The following SELENON variants were observed in gnomAD, a reference collection of about 807,000 sequenced individuals.
SELENON encodes selenoprotein N.
Under a neutral mutation model 59.5 loss-of-function variants are expected in SELENON, and 44 were observed. The ratio of observed to expected loss-of-function variants is 0.74; its 90% CI spans 0.58 to 0.95. SELENON has a LOEUF of 0.95. Among genes scored for constraint, SELENON ranks in the 40% least tolerant of loss-of-function variants. The pLI is 0.00. For synonymous variants in SELENON, 320 were observed against 305.6 expected, an observed-to-expected ratio of 1.05 and a Z score of -0.49; for missense variants, 674 against 721.4, an observed-to-expected ratio of 0.93 and a Z score of 0.75.
At chr1:25,802,268 G>T (rs573288934) in intron 3 of SELENON, among the ~76,000 whole-genome samples, 1 of 152,318 alleles carries the variant, frequency 6.6e-6, no homozygotes, top group South Asian at 2.1e-4. Context: ...GGAATTACAG[G>T]TGTGAACCAC....
chr1:25,812,567 ACACAC>A (rs2047973700), intron 9 of SELENON, 115 bp from the exon 9 acceptor site: 1 of 266,130 alleles, frequency 3.8e-6, no homozygotes, highest in African/African-American at 8.5e-5. Flanking sequence ...ACACACAAAC[ACACAC>A]ACACACACAC....
At position 25,812,768 on chromosome 1, in the gene SELENON, G is replaced by A. The variant is rs374687219; in HGVS notation, c.1363G>A (p.Ala455Thr). The change falls in exon 10 of 13, where the codon GCC becomes ACC. Residue 455 changes from alanine to threonine, a missense_variant. Ala to Thr is a moderately conservative substitution (Grantham distance 58). Transcript: ENST00000361547. ...GGTGCACTCAATCCTGCTGTGGGGG[G>A]CCCTGGATGACCAGTCCTGCTGAGG... 3.1e-6 allele frequency: 5 copies of A among 1,613,280 alleles called. No individual in the cohort carries two copies. Among genetic ancestry groups the A allele is most frequent in the East Asian group, 2.2e-5 (1 of 44,880 alleles).
In SELENON at chr1:25,805,030, G is replaced by A. The variant is rs570728298; in HGVS notation, c.404-112G>A. ...TACTTTGGTGACTGTTAACACCCCA[G>A]CTACCCCCACCCCCTGCCTGGCTCC... On this transcript the variant is annotated intron_variant, in intron 3 of 12. Coordinates refer to ENST00000361547, the MANE Select transcript of SELENON (RefSeq NM_020451.3). 4.2e-6 allele frequency: 6 copies of A among 1,432,680 alleles called. No homozygotes were observed. The East Asian group carries it at 9.1e-5, about 22-fold the overall frequency. 88.7% of individuals were successfully genotyped at this position (1,432,680 alleles called of 1,614,324 possible).
At chr1:25,808,309 CTG>C (rs1557429657) in intron 4 of SELENON, among the ~76,000 whole-genome samples, 2 of 4,744 alleles carry the variant, frequency 4.2e-4, no homozygotes, top group African/African-American at 2.3e-3. Flanking sequence ...CCTGGGTGGG[CTG>C]TGCCTGGGTG....
chr1:25,815,714 C>T lies in SELENON; in HGVS notation c.1769C>T (p.Pro590Leu). ...CGGCGTGGCCTGCCCCTCCTCCAGC[C>T]CTAGAGTGCCTGGACGGGATCTGAT... Residue 590 changes from proline to leucine, a missense_variant, in exon 13 of 13, where the codon CCC (proline) becomes CTC (leucine). By Grantham distance (98) the Pro-to-Leu change is moderately conservative. Coordinates refer to ENST00000361547, the MANE Select transcript of SELENON (RefSeq NM_020451.3). 3 of 1,613,894 alleles carry T rather than the reference C, an allele frequency of 1.9e-6. No individual in the cohort carries two copies. Among genetic ancestry groups the T allele is most frequent in the Non-Finnish European group, 1.7e-6 (2 of 1,180,008 alleles).
chr1:25,804,430 C>G (rs1051574860), intron 3 of SELENON, among the ~76,000 whole-genome samples: 2 of 151,820 alleles, frequency 1.3e-5, no homozygotes, highest in Non-Finnish European at 2.9e-5. Context: ...GCAAGACCCA[C>G]CCCCGCCCTC....
Position 25,813,995 on chromosome 1 carries a change from T to C in SELENON, c.1500+2T>C, listed in dbSNP as rs2047988240. The stretch of plus-strand genomic sequence containing the variant: ...GTGAAGGAGCTGGAGGAACTGCAGG[T>C]GAGCGGGCAGGTGGCAGGAACAGGA... On this transcript the variant is annotated splice_donor_variant, in intron 11 of 12. Coordinates refer to ENST00000361547, the MANE Select transcript of SELENON (RefSeq NM_020451.3). LOFTEE classifies it high-confidence loss of function. 6.2e-7 allele frequency: 1 copy of C among 1,613,624 alleles called. No individual in the cohort carries two copies. Among genetic ancestry groups the C allele is most frequent in the African/African-American group, 1.3e-5 (1 of 74,884 alleles).
At chr1:25,815,415 C>T in intron 12 of SELENON, 133 bp from the exon 12 acceptor site, 1 of 772,262 alleles carries the variant, frequency 1.3e-6, no homozygotes, top group Non-Finnish European at 2.2e-6. Flanking sequence ...GGCAGCACTG[C>T]CTGCCCACCA....
rs778557696 is a variant in SELENON at position 25,814,007 on chromosome 1, T to G, written c.1500+14T>G. On this transcript the variant is annotated intron_variant, in intron 11 of 12. Coordinates refer to ENST00000361547, the MANE Select transcript of SELENON (RefSeq NM_020451.3). ...GAGGAACTGCAGGTGAGCGGGCAGG[T>G]GGCAGGAACAGGAGCGTCCGGAACA... The G allele has an allele frequency of 6.2e-7, 1 of 1,612,908 alleles. No individual in the cohort carries two copies. Among genetic ancestry groups the G allele is most frequent in the Non-Finnish European group, 8.5e-7 (1 of 1,178,892 alleles).
At chr1:25,812,153 C>T (rs2047966893) in intron 9 of SELENON, among the ~76,000 whole-genome samples, 1 of 152,072 alleles carries the variant, frequency 6.6e-6, no homozygotes, top group African/African-American at 2.4e-5. Flanking sequence ...GCAATCTGGG[C>T]AACATAGCGA....
rs200146431 is a variant in SELENON at position 25,812,717 on chromosome 1, G to C, written c.1312G>C (p.Asp438His). 1 of 1,612,740 alleles carries C rather than the reference G, an allele frequency of 6.2e-7. No homozygotes were observed. Among genetic ancestry groups the C allele is most frequent in the Non-Finnish European group, 8.5e-7 (1 of 1,179,776 alleles). Residue 438 changes from aspartate to histidine, a missense_variant, in exon 10 of 13, where the codon GAC becomes CAC. Asp to His is a moderately conservative substitution (Grantham distance 81). Coordinates refer to ENST00000361547, the MANE Select transcript of SELENON (RefSeq NM_020451.3). ...CTACTTGCCGTTCACTGAGGCCTTC[G>C]ACCGAGCCAAGGCTGAGAACAAGCT...
intron 3 of SELENON, among the ~76,000 whole-genome samples, chr1:25,804,593 C>T (rs1340582937): frequency 6.6e-6 from 1 of 150,568 alleles, no homozygotes; most frequent in Non-Finnish European, 1.5e-5. Context: ...AAATCAAATC[C>T]AGCCACACTG....
intron 3 of SELENON, among the ~76,000 whole-genome samples, chr1:25,804,867 T>C (rs2047892051): frequency 6.6e-6 from 1 of 152,048 alleles, no homozygotes; most frequent in Non-Finnish European, 1.5e-5. Flanking sequence ...CAATCCCGAT[T>C]CCCCCACCAT....
chr1:25,814,321 C>T (rs2047992500), intron 12 of SELENON, 143 bp downstream of exon 11: 2 of 715,966 alleles, frequency 2.8e-6, no homozygotes, highest in African/African-American at 1.7e-5. Context: ...AAGCTGGTCT[C>T]TTACCCAGTC....
chr1:25,801,039 G>A lies in SELENON; in HGVS notation c.184-4G>A, dbSNP rs939109615. On this transcript the variant is annotated splice_region_variant and splice_polypyrimidine_tract_variant and intron_variant, in intron 1 of 12. Transcript: ENST00000361547. ...TGCCCAGCCCAGTCTCTCCTCCCAA[G>A]CAGGAACTGGCGCTGAAGACCCTGG... is the stretch of plus-strand genomic sequence containing the variant. The A allele has an allele frequency of 6.2e-6, 10 of 1,613,452 alleles. No individual in the cohort carries two copies. Among genetic ancestry groups the A allele is most frequent in the Non-Finnish European group, 8.5e-6 (10 of 1,179,390 alleles).
intron 2 of SELENON, among the ~76,000 whole-genome samples, chr1:25,801,487 C>G (rs893718003): frequency 1.3e-5 from 2 of 152,102 alleles, no homozygotes; most frequent in Non-Finnish European, 2.9e-5. Context: ...ATGGCAAAAC[C>G]CCATCCCTAC....
At chr1:25,813,830 T>G (rs1328521763) in intron 10 of SELENON, 51 bp from the exon 10 acceptor site, 4 of 1,425,634 alleles carry the variant, frequency 2.8e-6, no homozygotes, top group Admixed American at 1.7e-5. Context: ...AAAGCAAGAT[T>G]GCACCCCAGC....
intron 2 of SELENON, 80 bp downstream of exon 2, chr1:25,801,240 G>T (rs1030952489): frequency 3.6e-5 from 39 of 1,088,060 alleles, no homozygotes; most frequent in Non-Finnish European, 5.4e-5. Flanking sequence ...GCCGTCTGGA[G>T]TGGAGGGAAG....
chr1:25,812,301 T>C (rs1316725316), intron 9 of SELENON, among the ~76,000 whole-genome samples: 4 of 151,854 alleles, frequency 2.6e-5, no homozygotes, highest in Non-Finnish European at 5.9e-5. Context: ...GAGCTATGAT[T>C]GCGCCACTGC....
Sources: gnomAD v4.1 joint callset for allele counts (sites outside exome capture counted in the v4.1 genomes callset) on GRCh38, gnomAD v4.1.1 for gene constraint, MANE v1.5 for transcripts, NCBI Gene and HGNC (gene_info 2026-07-23, HGNC 2026-07-21) for gene names.